The following FCHSD2 variants were observed in gnomAD, a reference collection of about 807,000 sequenced individuals.
FCHSD2 encodes F-BAR and double SH3 domains protein 2.
A neutral mutation model predicts 108.1 loss-of-function variants in FCHSD2; 38 were observed. The ratio of observed to expected loss-of-function variants is 0.35; its 90% CI spans 0.27 to 0.46. The LOEUF (loss-of-function observed/expected upper bound fraction) is 0.46. Ranked by LOEUF, FCHSD2 falls within the 20% of genes least tolerant of loss-of-function variation. The pLI is 1.00. For synonymous variants in FCHSD2, 279 were observed against 314.7 expected, an observed-to-expected ratio of 0.89 and a Z score of 1.20; for missense variants, 751 against 897.8, an observed-to-expected ratio of 0.84 and a Z score of 2.09.
intron 12 of FCHSD2, among the ~76,000 whole-genome samples, chr11:72,877,137 C>G (rs1019965895): frequency 6.6e-6 from 1 of 152,068 alleles, no homozygotes; most frequent in African/African-American, 2.4e-5. Context: ...CAGGCGTGCA[C>G]CACCATGCCC....
chr11:73,134,128 A>C (rs1009984750), intron 2 of FCHSD2, among the ~76,000 whole-genome samples: 2 of 151,942 alleles, frequency 1.3e-5, no homozygotes, highest in African/African-American at 4.8e-5. Flanking sequence ...ACCAGATTAG[A>C]TTACCTCTAA....
At chr11:72,989,207 A>C (rs909087625) in intron 5 of FCHSD2, 110 bp from the exon 6 acceptor site, 1 of 768,644 alleles carries the variant, frequency 1.3e-6, no homozygotes, top group African/African-American at 1.8e-5. Flanking sequence ...TCCAGGGGAA[A>C]AGTCAGTACG....
chr11:73,141,772 A>G, intron 1 of FCHSD2, 85 bp downstream of exon 1: 1 of 1,395,468 alleles, frequency 7.2e-7, no homozygotes, highest in South Asian at 1.3e-5. Flanking sequence ...CCCTTGCGGG[A>G]GGGGGAAGGG....
At chr11:72,919,823 T>C (rs1855945286) in intron 9 of FCHSD2, among the ~76,000 whole-genome samples, 1 of 152,052 alleles carries the variant, frequency 6.6e-6, no homozygotes, top group South Asian at 2.1e-4. Context: ...ATAAATGTCG[T>C]TGGATTAAAA....
At chr11:73,022,502 T>C (rs1308725526) in intron 3 of FCHSD2, among the ~76,000 whole-genome samples, 10 of 152,196 alleles carry the variant, frequency 6.6e-5, no homozygotes, top group African/African-American at 9.7e-5. Flanking sequence ...TTTTATTAAA[T>C]GAAGTACTTA....
At chr11:72,997,400 A>C (rs564171013) in intron 5 of FCHSD2, among the ~76,000 whole-genome samples, 127 of 152,318 alleles carry the variant, frequency 8.3e-4, no homozygotes, top group Non-Finnish European at 1.5e-3. Flanking sequence ...AAGAAAGCTT[A>C]ACCCTCTTTG....
At chr11:72,892,756 C>G (rs965793193) in intron 10 of FCHSD2, among the ~76,000 whole-genome samples, 4 of 152,016 alleles carry the variant, frequency 2.6e-5, no homozygotes, top group African/African-American at 9.7e-5. Flanking sequence ...AGGCATGTGC[C>G]ACCATGCCCA....
At chr11:72,850,400 C>T (rs188512724) in intron 13 of FCHSD2, among the ~76,000 whole-genome samples, 2 of 150,302 alleles carry the variant, frequency 1.3e-5, no homozygotes, top group African/African-American at 2.4e-5. Flanking sequence ...ATTTTTGAGA[C>T]GGAGTCTCGC....
chr11:72,867,575 C>A lies in FCHSD2; in HGVS notation c.1308+290G>T, dbSNP rs114849157. Among the ~76,000 whole-genome samples the A allele has an allele frequency of 8.2e-3, 1,249 of 152,208 alleles. 19 individuals carry two copies. The highest frequency in any genetic ancestry group is 0.029 in the African/African-American group (1,200 of 41,536). ...TGTTTTCTATTCTATTACTTCCAGA[C>A]ACGAAGCATATTTACTCTATGAATG... On this transcript the variant is annotated intron_variant, in intron 13 of 19. Transcript: ENST00000409418.
chr11:73,072,409 A>G (rs1382395885), intron 3 of FCHSD2, among the ~76,000 whole-genome samples: 1 of 152,034 alleles, frequency 6.6e-6, no homozygotes, highest in Non-Finnish European at 1.5e-5. Flanking sequence ...ACTTAATTAA[A>G]TTTTTAATGA....
intron 3 of FCHSD2, among the ~76,000 whole-genome samples, chr11:73,020,387 T>G (rs1441938714): frequency 2.0e-5 from 3 of 152,246 alleles, no homozygotes; most frequent in Non-Finnish European, 4.4e-5. Context: ...TAAATTTTAC[T>G]AAGGGTTTGC....
In FCHSD2 at chr11:73,053,908, A is replaced by G. The variant is rs149242627; in HGVS notation, c.165+29787T>C. ...GATTGAAATGTAACTTGTTGTCTGT[A>G]ATCTAAAAATTTTAACCATGTATTT... On this transcript the variant is annotated intron_variant, in intron 3 of 19. Transcript: ENST00000409418. 1.3e-5 allele frequency among the ~76,000 whole-genome samples: 2 copies of G among 152,338 alleles called. 1 individual carries two copies. Among genetic ancestry groups the G allele is most frequent in the African/African-American group, 4.8e-5 (2 of 41,586 alleles).
At chr11:73,030,090 T>A (rs939538188) in intron 3 of FCHSD2, among the ~76,000 whole-genome samples, 1 of 152,070 alleles carries the variant, frequency 6.6e-6, no homozygotes, top group Admixed American at 6.6e-5. Context: ...CCCAAGGGAA[T>A]GCCATTAGTT....
At chr11:72,921,357 C>T (rs1037876632) in intron 9 of FCHSD2, among the ~76,000 whole-genome samples, 1 of 152,158 alleles carries the variant, frequency 6.6e-6, no homozygotes, top group Non-Finnish European at 1.5e-5. Context: ...AATGAAACGA[C>T]TGCTGTCAAA....
intron 3 of FCHSD2, among the ~76,000 whole-genome samples, chr11:73,064,844 CT>C (rs761580325): frequency 4.5e-4 from 68 of 152,272 alleles, no homozygotes; most frequent in Non-Finnish European, 8.5e-4. Context: ...ATAACAAGTT[CT>C]GAAATTGAGG....
intron 8 of FCHSD2, chr11:72,983,881 A>G (rs1857262684): frequency 1.5e-6 from 1 of 656,844 alleles, no homozygotes; most frequent in Non-Finnish European, 2.8e-6. Flanking sequence ...CTTTACTGTG[A>G]CTTGTCTGTA....
At chr11:72,969,550 T>A (rs1369312709) in intron 8 of FCHSD2, among the ~76,000 whole-genome samples, 1 of 152,186 alleles carries the variant, frequency 6.6e-6, no homozygotes, top group African/African-American at 2.4e-5. Context: ...AAAGTGGAAC[T>A]TTAGGCAAAA....
chr11:73,136,261 AT>A (rs770960732), intron 2 of FCHSD2, among the ~76,000 whole-genome samples: 2 of 151,566 alleles, frequency 1.3e-5, no homozygotes, highest in African/African-American at 2.4e-5. Context: ...TGTGCTGTAG[AT>A]TTTTTTTTAA....
At chr11:72,843,726 A>G (rs982489464) in intron 14 of FCHSD2, 194 bp from the exon 15 acceptor site, 4 of 565,524 alleles carry the variant, frequency 7.1e-6, no homozygotes, top group Non-Finnish European at 6.2e-6. Flanking sequence ...GAATAAAACC[A>G]TAACAAAAAC....
Sources: gnomAD v4.1 joint callset for allele counts (sites outside exome capture counted in the v4.1 genomes callset) on GRCh38, gnomAD v4.1.1 for gene constraint, MANE v1.5 for transcripts, NCBI Gene and HGNC (gene_info 2026-07-23, HGNC 2026-07-21) for gene names.